Variants in GNAQ observed in about 807,000 individuals in gnomAD.
GNAQ encodes the protein G protein subunit alpha q.
GNAQ carries 8 observed loss-of-function variants against 43.9 expected under a neutral mutation model. The ratio of observed to expected loss-of-function variants is 0.18; its 90% CI spans 0.11 to 0.33. The LOEUF is 0.33. Among genes scored for constraint, GNAQ ranks in the 10% least tolerant of loss-of-function variants. GNAQ has a pLI of 1.00. For missense variants in GNAQ, 158 were observed against 450.8 expected (o/e 0.35, Z 5.88); for synonymous variants, 155 against 170.7 (o/e 0.91, Z 0.71).
At chr9:77,936,950 A>G (rs1208786597) in intron 1 of GNAQ, among the ~76,000 whole-genome samples, 1 of 152,256 alleles carries the variant, frequency 6.6e-6, no homozygotes, top group Non-Finnish European at 1.5e-5. Context: ...GAAAATTTCC[A>G]ATGATGAAGT....
intron 1 of GNAQ, among the ~76,000 whole-genome samples, chr9:77,932,889 A>G (rs781620255): frequency 1.3e-5 from 2 of 152,176 alleles, no homozygotes; most frequent in African/African-American, 2.4e-5. Flanking sequence ...AAATCCTAAA[A>G]AAGTCTGTGT....
intron 1 of GNAQ, among the ~76,000 whole-genome samples, chr9:77,971,364 G>A (rs1035060879): frequency 3.9e-5 from 6 of 152,078 alleles, no homozygotes; most frequent in East Asian, 1.9e-4. Context: ...GATGAACATC[G>A]ATGCAAAAAT....
At chr9:77,929,329 G>C (rs1057147749) in intron 1 of GNAQ, among the ~76,000 whole-genome samples, 2 of 152,112 alleles carry the variant, frequency 1.3e-5, no homozygotes, top group Non-Finnish European at 2.9e-5. Context: ...AGCTAATGAG[G>C]GAGAAGGTAA....
rs183115893 is a variant in GNAQ at position 77,790,260 on chromosome 9, C to T, written c.735+4203G>A. ...AAATGTTCTTTAGGTCTTTCCTTTG[C>T]GATTTGAGTTTTTTTCTCCTCAATT... On this transcript the variant is annotated intron_variant, in intron 5 of 6. Coordinates refer to ENST00000286548, the MANE Select transcript of GNAQ (RefSeq NM_002072.5). Among the ~76,000 whole-genome samples, 5 of 152,172 alleles carry T rather than the reference C, an allele frequency of 3.3e-5. No individual in the cohort carries two copies. In the East Asian group the frequency reaches 9.6e-4, roughly 29 times the overall value.
chr9:78,010,005 G>C (rs950953223), intron 1 of GNAQ, among the ~76,000 whole-genome samples: 2 of 152,190 alleles, frequency 1.3e-5, no homozygotes, highest in Non-Finnish European at 2.9e-5. Flanking sequence ...TAAAATTGCT[G>C]TAATTGTTGG....
At position 77,800,823 on chromosome 9, in the gene GNAQ, T is replaced by C. The variant is rs193165334; in HGVS notation, c.477-3175A>G. On this transcript the variant is annotated intron_variant, in intron 3 of 6. Coordinates refer to ENST00000286548, the MANE Select transcript of GNAQ (RefSeq NM_002072.5). ...TGGGGTTTTCTAATTTATCAGCTTCTTGATTTGAAAAACCTGAATGTACAT... is the reference window on the plus strand; with the variant it reads ...TGGGGTTTTCTAATTTATCAGCTTCCTGATTTGAAAAACCTGAATGTACAT... Among the ~76,000 whole-genome samples the C allele has an allele frequency of 3.9e-5, 6 of 152,352 alleles. No homozygotes were observed. The East Asian group carries it at 5.8e-4, about 15-fold the overall frequency.
At chr9:77,807,137 C>G (rs1029678456) in intron 3 of GNAQ, among the ~76,000 whole-genome samples, 4 of 152,262 alleles carry the variant, frequency 2.6e-5, no homozygotes, top group Non-Finnish European at 5.9e-5. Flanking sequence ...TTATTTTCAA[C>G]TGAAAAGACT....
chr9:77,862,403 A>T (rs139901508), intron 2 of GNAQ, among the ~76,000 whole-genome samples: 1 of 152,146 alleles, frequency 6.6e-6, no homozygotes, highest in African/African-American at 2.4e-5. Flanking sequence ...GAGGTTCCCA[A>T]ACCTCAATTC....
intron 1 of GNAQ, among the ~76,000 whole-genome samples, chr9:77,934,731 C>T (rs914644127): frequency 6.6e-6 from 1 of 152,212 alleles, no homozygotes; most frequent in African/African-American, 2.4e-5. Context: ...CAGAAAGTAT[C>T]ATGGAAAACA....
At chr9:77,981,684 T>A (rs1378618609) in intron 1 of GNAQ, among the ~76,000 whole-genome samples, 1 of 152,180 alleles carries the variant, frequency 6.6e-6, no homozygotes, top group Non-Finnish European at 1.5e-5. Flanking sequence ...CTCCTTTCTC[T>A]CAAATTTCAT....
intron 1 of GNAQ, among the ~76,000 whole-genome samples, chr9:78,015,620 CTAT>C (rs1170492015): frequency 2.6e-5 from 4 of 151,706 alleles, no homozygotes; most frequent in Admixed American, 2.6e-4. Context: ...CAAAAATTGA[CTAT>C]ATATATTAGA....
At chr9:77,883,462 T>G (rs921663966) in intron 2 of GNAQ, among the ~76,000 whole-genome samples, 2 of 151,956 alleles carry the variant, frequency 1.3e-5, no homozygotes, top group African/African-American at 2.4e-5. Flanking sequence ...GGGGTAGTTT[T>G]TTTTTTTTTT....
chr9:77,987,499 G>C (rs1190088332), intron 1 of GNAQ, among the ~76,000 whole-genome samples: 2 of 152,156 alleles, frequency 1.3e-5, no homozygotes, highest in East Asian at 3.9e-4. Flanking sequence ...CATCTAAATG[G>C]TTTTGCAATT....
At chr9:77,740,828 A>G (rs1160759084) in intron 5 of GNAQ, among the ~76,000 whole-genome samples, 1 of 152,204 alleles carries the variant, frequency 6.6e-6, no homozygotes. Flanking sequence ...AGACAATGCT[A>G]AGAGCATTTT....
intron 1 of GNAQ, among the ~76,000 whole-genome samples, chr9:77,969,104 T>C (rs1274481346): frequency 1.3e-5 from 2 of 152,240 alleles, no homozygotes; most frequent in South Asian, 4.1e-4. Context: ...TTGGTCTGCA[T>C]GCACCCCCAG....
At chr9:77,894,776 T>G (rs1361127404) in intron 2 of GNAQ, among the ~76,000 whole-genome samples, 1 of 150,892 alleles carries the variant, frequency 6.6e-6, no homozygotes, top group Non-Finnish European at 1.5e-5. Context: ...GAATAAATAT[T>G]ATTGTTTTCA....
intron 2 of GNAQ, among the ~76,000 whole-genome samples, chr9:77,841,745 G>C (rs1327700936): frequency 3.3e-5 from 5 of 152,132 alleles, no homozygotes; most frequent in Non-Finnish European, 7.3e-5. Context: ...CTCTGACACA[G>C]GACTACGTTC....
intron 5 of GNAQ, among the ~76,000 whole-genome samples, chr9:77,776,041 T>G (rs931452326): frequency 6.6e-6 from 1 of 152,228 alleles, no homozygotes; most frequent in Non-Finnish European, 1.5e-5. Context: ...TGGCAAAAAT[T>G]GTCAATATCA....
At chr9:77,758,715 T>A (rs1825941785) in intron 5 of GNAQ, among the ~76,000 whole-genome samples, 1 of 152,204 alleles carries the variant, frequency 6.6e-6, no homozygotes, top group Admixed American at 6.5e-5. Context: ...TCAATTAACA[T>A]GCTTTTAAAA....
Sources: allele counts gnomAD v4.1 joint callset (sites outside exome capture counted in the v4.1 genomes callset), GRCh38; gene constraint gnomAD v4.1.1; transcripts MANE v1.5; gene names NCBI Gene and HGNC (gene_info 2026-07-23, HGNC 2026-07-21).